UBR4: variants seen among roughly 807,000 people sequenced by gnomAD.
UBR4 encodes the protein ubiquitin protein ligase E3 component n-recognin 4.
Under a neutral mutation model 575.6 loss-of-function variants are expected in UBR4, and 124 were observed. The observed-to-expected ratio is 0.22, with a 90% CI of 0.19 to 0.25. The LOEUF (loss-of-function observed/expected upper bound fraction) is 0.25, where lower values mean the gene tolerates loss of function less well. UBR4 is among the 10% of genes least tolerant of loss of function. UBR4 has a pLI of 1.00. For missense variants in UBR4, 4,818 were observed against 6,478.8 expected (o/e 0.74, Z 8.80); for synonymous variants, 2,455 against 2,473.7 (o/e 0.99, Z 0.22).
At chr1:19,201,937 C>G (rs1031794175) in intron 1 of UBR4, 122 bp from the exon 2 acceptor site, 1 of 799,028 alleles carries the variant, frequency 1.3e-6, no homozygotes, top group Admixed American at 2.6e-5. Context: ...TCAACCTATT[C>G]CCCTTCAAGA....
In UBR4 at chr1:19,140,752, G is replaced by C. The variant is rs751393052; in HGVS notation, c.8593+36C>G. ...GTGGAAACAAGGCCTGAGGGTCCTG[G>C]GGCCCTGAGCCGTGCTCCTTGCTGT... On this transcript the variant is annotated intron_variant, in intron 58 of 105. Transcript: ENST00000375254. The C allele has an allele frequency of 7.5e-6, 12 of 1,593,096 alleles. No homozygotes were observed. The South Asian group carries it at 1.4e-4, about 18-fold the overall frequency.
chr1:19,177,383 G>C, intron 19 of UBR4, 78 bp downstream of exon 19: 1 of 1,552,316 alleles, frequency 6.4e-7, no homozygotes. Flanking sequence ...GGTCATTTGG[G>C]CTGCGGATCA....
intron 37 of UBR4, among the ~76,000 whole-genome samples, 167 bp from the exon 38 acceptor site, chr1:19,161,314 C>T (rs1386992435): frequency 6.6e-6 from 1 of 152,220 alleles, no homozygotes; most frequent in Non-Finnish European, 1.5e-5. Context: ...TAATATCTAA[C>T]TTCTTTACCC....
In UBR4 at chr1:19,110,697, G is replaced by A; in HGVS notation, c.11892+45C>T. The stretch of plus-strand genomic sequence containing the variant: ...GGAAGCTGAGAAACACAAGGCATGT[G>A]AGGGGAAGTCAGAGAGGACAGCTGG... On this transcript the variant is annotated intron_variant, in intron 79 of 105. Coordinates refer to ENST00000375254, the MANE Select transcript of UBR4 (RefSeq NM_020765.3). The surrounding 1 kb of genome is among the most constrained non-coding windows in gnomAD (Gnocchi z 4.5). The A allele has an allele frequency of 2.5e-6, 4 of 1,593,862 alleles. No individual in the cohort carries two copies. Among genetic ancestry groups the A allele is most frequent in the Non-Finnish European group, 3.4e-6 (4 of 1,162,294 alleles).
Position 19,145,508 on chromosome 1 carries a change from GACACAC to G in UBR4, c.7945+279_7945+284del, listed in dbSNP as rs555050832. 1.6e-3 allele frequency among the ~76,000 whole-genome samples: 225 copies of G among 145,104 alleles called. 2 individuals carry two copies. The highest frequency in any genetic ancestry group is 0.012 in the East Asian group (56 of 4,768). On this transcript the variant is annotated intron_variant, in intron 53 of 105. Coordinates refer to ENST00000375254, the MANE Select transcript of UBR4 (RefSeq NM_020765.3). ...TTTAAAAACAATTATAAACCACTGA[GACACAC>G]ACACACACACACACACACACACACA...
chr1:19,086,894 G>A, intron 99 of UBR4, 73 bp from the exon 100 acceptor site: 1 of 1,572,354 alleles, frequency 6.4e-7, no homozygotes, highest in South Asian at 1.2e-5. Flanking sequence ...GAATAGAGGG[G>A]AACTGCCGCC....
Position 19,176,742 on chromosome 1 carries a change from A to G in UBR4, c.2638-15T>C, listed in dbSNP as rs778109809. On this transcript the variant is annotated splice_polypyrimidine_tract_variant and intron_variant, in intron 19 of 105. Transcript: ENST00000375254. ...TTATGCTGTACCTTTTAAAACACAA[A>G]TACTGAAATTAAGAAAGATACACAG... 6.2e-7 allele frequency: 1 copy of G among 1,611,384 alleles called. No individual in the cohort carries two copies. The highest frequency in any genetic ancestry group is 2.2e-5 in the East Asian group (1 of 44,832).
chr1:19,154,483 G>C (rs2181596), intron 44 of UBR4, among the ~76,000 whole-genome samples: 1 of 152,108 alleles, frequency 6.6e-6, no homozygotes, highest in Non-Finnish European at 1.5e-5. Flanking sequence ...CTTGTTGAAA[G>C]TCTCTTCCTC....
At chr1:19,085,428 G>A (rs536930042) in intron 101 of UBR4, among the ~76,000 whole-genome samples, 3 of 152,266 alleles carry the variant, frequency 2.0e-5, no homozygotes, top group Non-Finnish European at 2.9e-5. Flanking sequence ...AGGCTGAGGC[G>A]GGAGAATCGC....
rs189539836 is a variant in UBR4, at chr1:19,122,937, G to A, written c.9712C>T (p.Arg3238Cys). The change falls in exon 66 of 106, where the codon CGT becomes TGT. Residue 3238 changes from arginine (R) to cysteine (C), a missense_variant. Transcript: ENST00000375254. ...TCTTCTAGCAGCTTCTTGATCCCACGCACGTGAGAGTCCAGGGTGTGCAAA... is the reference window on the plus strand; with the variant it reads ...TCTTCTAGCAGCTTCTTGATCCCACACACGTGAGAGTCCAGGGTGTGCAAA... ...RDLHTLDSHV[R>C]GIKKLLEEQG... 2.0e-5 allele frequency: 32 copies of A among 1,614,198 alleles called. No individual in the cohort carries two copies. Among genetic ancestry groups the A allele is most frequent in the African/African-American group, 6.7e-5 (5 of 75,046 alleles).
At chr1:19,098,995 G>A (rs1472331111) in intron 90 of UBR4, among the ~76,000 whole-genome samples, 6 of 152,180 alleles carry the variant, frequency 3.9e-5, no homozygotes, top group African/African-American at 1.4e-4. Context: ...GGAACAGAGA[G>A]TAAGAAAGGA....
rs565158396 is a variant in UBR4 at position 19,086,825 on chromosome 1, C to T, written c.14545-4G>A. 4.3e-6 allele frequency: 7 copies of T among 1,613,704 alleles called. No individual in the cohort carries two copies. The highest frequency in any genetic ancestry group is 2.2e-5 in the South Asian group (2 of 91,060). On this transcript the variant is annotated splice_polypyrimidine_tract_variant and splice_region_variant and intron_variant, in intron 99 of 105. Coordinates refer to ENST00000375254, the MANE Select transcript of UBR4 (RefSeq NM_020765.3). The stretch of plus-strand genomic sequence containing the variant: ...AAATGCCCAGGACCTTTGTGGGCTG[C>T]AAAGACGACAACATAAGGAGAGGGG...
At chr1:19,128,600 G>GA (rs2149637815) in intron 61 of UBR4, among the ~76,000 whole-genome samples, 1 of 152,320 alleles carries the variant, frequency 6.6e-6, no homozygotes, top group East Asian at 1.9e-4. Context: ...AGTAGCTTGA[G>GA]AAAGGGTGGT....
intron 68 of UBR4, among the ~76,000 whole-genome samples, chr1:19,120,959 T>G (rs547495413): frequency 6.6e-6 from 1 of 152,256 alleles, no homozygotes; most frequent in Non-Finnish European, 1.5e-5. Flanking sequence ...AAATGTTCAG[T>G]GCACTTTGAC....
In UBR4 at chr1:19,129,090, A is replaced by G; in HGVS notation, c.8907-16T>C. 6.2e-7 allele frequency: 1 copy of G among 1,609,712 alleles called. No homozygotes were observed. Among genetic ancestry groups the G allele is most frequent in the Non-Finnish European group, 8.5e-7 (1 of 1,176,090 alleles). On this transcript the variant is annotated splice_polypyrimidine_tract_variant and intron_variant, in intron 60 of 105. Transcript: ENST00000375254. ...CATGTGCAGCCTAAAAGGGTGGGGA[A>G]AAGATAGAAAATATGAGCTGTACTC...
At chr1:19,133,783 A>G (rs1009333904) in intron 60 of UBR4, among the ~76,000 whole-genome samples, 3 of 119,228 alleles carry the variant, frequency 2.5e-5, no homozygotes, top group African/African-American at 9.3e-5. Context: ...CTGTCTCAAC[A>G]AAAAAAAAAA....
At chr1:19,091,521 A>G (rs567646152) in intron 97 of UBR4, among the ~76,000 whole-genome samples, 1 of 152,368 alleles carries the variant, frequency 6.6e-6, no homozygotes, top group East Asian at 1.9e-4. Flanking sequence ...AAATTGGGCA[A>G]AAGACATGAA....
rs751625331 is a variant in UBR4, at chr1:19,160,914, C to T, written c.5406+3G>A. The T allele has an allele frequency of 1.9e-6, 3 of 1,614,030 alleles. No individual in the cohort carries two copies. The Admixed American group carries it at 5.0e-5, about 27-fold the overall frequency. On this transcript the variant is annotated splice_donor_region_variant and intron_variant, in intron 38 of 105. Coordinates refer to ENST00000375254, the MANE Select transcript of UBR4 (RefSeq NM_020765.3). ...CTTACTAGGGAGCATCAGTCAGCCC[C>T]ACCTGGTTCTGTAATTCCTCCCGGC...
Position 19,119,463 on chromosome 1 carries a change from TC to T in UBR4, c.10455+93del, listed in dbSNP as rs1343538050. 24 of 1,491,674 alleles carry T rather than the reference TC, an allele frequency of 1.6e-5. No homozygotes were observed. In the African/African-American group the frequency reaches 2.4e-4, roughly 15 times the overall value. The allele number at this position is 1,491,674 out of a possible 1,614,324, so 92.4% of individuals were successfully genotyped here. ...TTTAAAAGAGGTTTCCTATATGGAC[TC>T]CCTATATCTGGGTTGTTCATAATAT... On this transcript the variant is annotated intron_variant, in intron 70 of 105. Transcript: ENST00000375254.
Sources: gnomAD v4.1 joint callset for allele counts (sites outside exome capture counted in the v4.1 genomes callset) on GRCh38, gnomAD v4.1.1 for gene constraint, Gnocchi (gnomAD v3.1) non-coding constraint, MANE v1.5 for transcripts, NCBI Gene and HGNC (gene_info 2026-07-23, HGNC 2026-07-21) for gene names.